Variants in IPO8 observed in about 807,000 individuals in gnomAD.
The protein encoded by IPO8 is importin-8.
IPO8 carries 65 observed loss-of-function variants against 141.2 expected under a neutral mutation model. The observed-to-expected ratio is 0.46, with a 90% CI of 0.38 to 0.57. The LOEUF (loss-of-function observed/expected upper bound fraction) is 0.57, where lower values mean the gene tolerates loss of function less well. Ranked by LOEUF, IPO8 falls within the 20% of genes least tolerant of loss-of-function variation. The pLI, the probability that IPO8 is intolerant of heterozygous loss-of-function variation, is 0.00. For missense variants in IPO8, 980 were observed against 1,246.8 expected (o/e 0.79, Z 3.22); for synonymous variants, 411 against 420.3 (o/e 0.98, Z 0.27).
At position 30,639,778 on chromosome 12, in the gene IPO8, A is replaced by T. The variant is rs372979657; in HGVS notation, c.2269-43T>A. 723 of 1,451,852 alleles carry T rather than the reference A, an allele frequency of 5.0e-4. 1 individual carries two copies. Among genetic ancestry groups the T allele is most frequent in the Non-Finnish European group, 6.3e-4 (651 of 1,035,234 alleles). The allele number at this position is 1,451,852 out of a possible 1,614,324, so 89.9% of individuals were successfully genotyped here. ...GAAAGTCAACCACACAGACAGCCCAAGTAACTTTTATAGAAGCTGAATATT... is the reference window on the plus strand; with the variant it reads ...GAAAGTCAACCACACAGACAGCCCATGTAACTTTTATAGAAGCTGAATATT... On this transcript the variant is annotated intron_variant, in intron 20 of 24. Transcript: ENST00000256079.
intron 20 of IPO8, among the ~76,000 whole-genome samples, chr12:30,641,344 C>T (rs934535660): frequency 6.6e-6 from 1 of 151,762 alleles, no homozygotes; most frequent in African/African-American, 2.4e-5. Context: ...AAAGGATGAA[C>T]TAAAACTAGG....
At chr12:30,654,900 C>T (rs1355274565) in intron 17 of IPO8, among the ~76,000 whole-genome samples, 1 of 152,022 alleles carries the variant, frequency 6.6e-6, no homozygotes, top group East Asian at 1.9e-4. Flanking sequence ...AATGTGCCCT[C>T]CTATGTTCAC....
chr12:30,660,771 T>C (rs919442464), intron 16 of IPO8, among the ~76,000 whole-genome samples: 4 of 152,172 alleles, frequency 2.6e-5, no homozygotes, highest in Non-Finnish European at 5.9e-5. Context: ...CTGCTGTCTG[T>C]CACTCTCTAC....
chr12:30,657,542 T>A (rs1339516277), intron 16 of IPO8, among the ~76,000 whole-genome samples: 1 of 152,114 alleles, frequency 6.6e-6, no homozygotes, highest in Non-Finnish European at 1.5e-5. Flanking sequence ...CTTCAAGGGA[T>A]TTACCCTTCA....
chr12:30,674,218 A>G (rs2053088843), intron 7 of IPO8, 144 bp from the exon 8 acceptor site: 1 of 570,056 alleles, frequency 1.8e-6, no homozygotes, highest in Non-Finnish European at 3.2e-6. Context: ...ACAAGCCACA[A>G]AATGAAATCA....
chr12:30,690,400 AT>A, intron 2 of IPO8, 95 bp downstream of exon 2: 1 of 769,936 alleles, frequency 1.3e-6, no homozygotes, highest in Non-Finnish European at 2.2e-6. Flanking sequence ...GTGCTTCTGA[AT>A]TTTTCAATAA....
chr12:30,662,416 T>C lies in IPO8; in HGVS notation c.1666A>G (p.Asn556Asp). The C allele has an allele frequency of 6.2e-7, 1 of 1,613,354 alleles. No homozygotes were observed. The change falls in exon 15 of 25, where the codon AAT becomes GAT. Residue 556 changes from asparagine (N) to aspartate (D), a missense_variant. By Grantham distance (23) the Asn-to-Asp change is conservative. Around this residue, in one of 3 missense-constraint regions of IPO8, gnomAD observed 924 missense variants for 1,153.9 expected, o/e 0.80. Coordinates refer to ENST00000256079, the MANE Select transcript of IPO8 (RefSeq NM_006390.4). ...ELLHIVRETENDDVTNVIQKM... is the reference protein window; with the variant it reads ...ELLHIVRETEDDDVTNVIQKM... ...TGGATGACATTAGTAACATCATCAT[T>C]TTCTGTCTCTCTAACAATGTGCAAC... is the stretch of plus-strand genomic sequence containing the variant.
intron 22 of IPO8, among the ~76,000 whole-genome samples, chr12:30,636,734 T>C (rs2052506915): frequency 6.6e-6 from 1 of 152,072 alleles, no homozygotes; most frequent in South Asian, 2.1e-4. Context: ...TCCTAATGTG[T>C]AACAGCATCT....
At chr12:30,676,902 G>C (rs1442516217) in intron 5 of IPO8, 45 of 1,520,868 alleles carry the variant, frequency 3.0e-5, no homozygotes, top group Non-Finnish European at 3.8e-5. Flanking sequence ...TTACCCCTTT[G>C]AGGGTCAAAC....
intron 12 of IPO8, 59 bp downstream of exon 12, chr12:30,665,670 C>A (rs998230154): frequency 1.9e-6 from 2 of 1,062,844 alleles, no homozygotes; most frequent in South Asian, 1.4e-5. Flanking sequence ...CTTTCATATT[C>A]TCTCATTTGC....
At chr12:30,667,511 CTT>C (rs1666083287) in intron 10 of IPO8, among the ~76,000 whole-genome samples, 4 of 152,136 alleles carry the variant, frequency 2.6e-5, no homozygotes, top group Admixed American at 2.6e-4. Flanking sequence ...GATAGGAATG[CTT>C]TGTTTCACGT....
At chr12:30,681,863 A>G in intron 3 of IPO8, 46 bp from the exon 4 acceptor site, 1 of 1,499,148 alleles carries the variant, frequency 6.7e-7, no homozygotes, top group South Asian at 1.2e-5. Flanking sequence ...AATTATAAAT[A>G]CTGTGTTTCA....
rs1341132861 is a variant in IPO8, at chr12:30,680,706, T to C, written c.483-68A>G. 9.3e-6 allele frequency: 12 copies of C among 1,283,904 alleles called. No homozygotes were observed. The South Asian group carries it at 1.2e-4, about 13-fold the overall frequency. The allele number at this position is 1,283,904 out of a possible 1,614,324, so 79.5% of individuals were successfully genotyped here. ...CCAAAGAACCATCAACAATAAATTATAAAATATTTTTTAAATACATAAAAC... is the reference window on the plus strand; with the variant it reads ...CCAAAGAACCATCAACAATAAATTACAAAATATTTTTTAAATACATAAAAC... On this transcript the variant is annotated intron_variant, in intron 4 of 24. Transcript: ENST00000256079.
rs954765676 is a variant in IPO8, at chr12:30,695,264, G to T, written c.84+300C>A. Among the ~76,000 whole-genome samples, 31 of 152,234 alleles carry T rather than the reference G, an allele frequency of 2.0e-4. 1 individual carries two copies. The highest frequency in any genetic ancestry group is 7.3e-5 in the Non-Finnish European group (5 of 68,042). The stretch of plus-strand genomic sequence containing the variant: ...AATAAATCACACCCTGAAAACACTA[G>T]CACAGGTTGCAAAAACTGCTTCTTG... On this transcript the variant is annotated intron_variant, in intron 1 of 24. Coordinates refer to ENST00000256079, the MANE Select transcript of IPO8 (RefSeq NM_006390.4). This position sits in a 1 kb window ranked among gnomAD's most constrained non-coding sequence, Gnocchi z 4.2.
intron 16 of IPO8, among the ~76,000 whole-genome samples, chr12:30,657,899 T>C (rs1221748159): frequency 6.6e-6 from 1 of 151,920 alleles, no homozygotes; most frequent in East Asian, 1.9e-4. Context: ...CCCGAAAACC[T>C]GGTTTAAAAA....
chr12:30,668,072 A>C (rs1382796594), intron 10 of IPO8, among the ~76,000 whole-genome samples: 3 of 152,050 alleles, frequency 2.0e-5, no homozygotes, highest in Admixed American at 6.6e-5. Context: ...AGAGAGAGAG[A>C]GAGAGAGAAG....
At chr12:30,662,871 G>GC (rs897700918) in intron 14 of IPO8, among the ~76,000 whole-genome samples, 77 of 152,186 alleles carry the variant, frequency 5.1e-4, no homozygotes, top group African/African-American at 1.8e-3. Context: ...TACTGATGGG[G>GC]CCCCTTCCCT....
rs1238958269 is a variant in IPO8, at chr12:30,666,228, G to A, written c.1168C>T (p.Pro390Ser). ...AAGAGAGTCTGGGCTGCTGTGGTGG[G>A]AGAAGCATAATCTTCAAAAATATCT... ...KFDIFEDYAS[P>S]TTAAQTLLYT... The change falls in exon 11 of 25, where the codon CCC becomes TCC. Residue 390 changes from proline to serine, a missense_variant. By Grantham distance (74) the Pro-to-Ser change is moderately conservative (BLOSUM62 -1). Around this residue, in one of 3 missense-constraint regions of IPO8, gnomAD observed 924 missense variants for 1,153.9 expected, o/e 0.80. Transcript: ENST00000256079. 14 of 1,590,930 alleles carry A rather than the reference G, an allele frequency of 8.8e-6. No homozygotes were observed. The highest frequency in any genetic ancestry group is 1.2e-5 in the Non-Finnish European group (14 of 1,166,852).
At chr12:30,666,085 C>A in intron 11 of IPO8, 90 bp downstream of exon 11, 1 of 871,058 alleles carries the variant, frequency 1.1e-6, no homozygotes, top group Non-Finnish European at 1.7e-6. Context: ...CGAATAACAA[C>A]ATAATTTCTC....
Sources: gnomAD v4.1 joint callset for allele counts (sites outside exome capture counted in the v4.1 genomes callset) on GRCh38, gnomAD v4.1.1 for gene constraint, gnomAD v4.1.1 regional missense constraint, Gnocchi (gnomAD v3.1) non-coding constraint, MANE v1.5 for transcripts, NCBI Gene and HGNC (gene_info 2026-07-23, HGNC 2026-07-21) for gene names.